TPM4: variants seen among roughly 807,000 people sequenced by gnomAD.
TPM4 encodes the protein tropomyosin 4, also known as tropomyosin alpha-4 chain.
TPM4 carries 17 observed loss-of-function variants against 35.8 expected under a neutral mutation model. The observed-to-expected ratio is 0.47, with a 90% CI of 0.32 to 0.71. TPM4 has a LOEUF of 0.71. Among genes scored for constraint, TPM4 ranks in the 30% least tolerant of loss-of-function variants. The pLI is 0.03. For missense variants in TPM4, 240 were observed against 320.9 expected (o/e 0.75, Z 1.93); for synonymous variants, 120 against 122.9 (o/e 0.98, Z 0.15).
rs555751726 is a variant in TPM4 at position 16,084,933 on chromosome 19, C to CTTTT, written c.267-1488_267-1487insTTTT. 4.6e-5 allele frequency among the ~76,000 whole-genome samples: 7 copies of CTTTT among 152,146 alleles called. 1 individual carries two copies. Among genetic ancestry groups the CTTTT allele is most frequent in the African/African-American group, 1.7e-4 (7 of 41,514 alleles). On this transcript the variant is annotated intron_variant, in intron 2 of 7. Transcript: ENST00000643579. ...ATGACACATTATCCCAGGCTGGCCTCTTCTTTTCTTTTCTTTTCTTGTTTT... is the reference window on the plus strand; with the variant it reads ...ATGACACATTATCCCAGGCTGGCCTCTTTTTTCTTTTCTTTTCTTTTCTTGTTTT...
rs534220183 is a variant in TPM4 at position 16,088,492 on chromosome 19, G to A, written c.455+395G>A. ...CTTTTGCTCCTGTCAGTGTTTGGCC[G>A]TGACACATTCCTGGCGGGAAGGTGA... On this transcript the variant is annotated intron_variant, in intron 4 of 7. Coordinates refer to ENST00000643579, the MANE Select transcript of TPM4 (RefSeq NM_003290.3). The A allele has an allele frequency of 1.1e-5, 12 of 1,062,630 alleles. No individual in the cohort carries two copies. In the Admixed American group the frequency reaches 1.8e-4, roughly 16 times the overall value. The allele number at this position is 1,062,630 out of a possible 1,614,324, so 65.8% of individuals were successfully genotyped here. A position where few individuals can be genotyped will look rare whatever the true frequency, so the allele number is the denominator to read the frequency against.
intron 2 of TPM4, among the ~76,000 whole-genome samples, chr19:16,085,076 C>A (rs918230994): frequency 1.3e-5 from 2 of 151,790 alleles, no homozygotes; most frequent in Admixed American, 6.6e-5. Flanking sequence ...CATAGTGAGA[C>A]CCCATCTCTA....
Position 16,076,564 on chromosome 19 carries a change from C to T in TPM4, c.-2C>T, listed in dbSNP as rs1400164856. ...GCCCGTGCGCCTCTGCGCCTCCGCG[C>T]CATGGCCGGCCTCAACTCCCTGGAG... On this transcript the variant is annotated 5_prime_UTR_variant, in exon 1 of 8. Coordinates refer to ENST00000643579, the MANE Select transcript of TPM4 (RefSeq NM_003290.3). 3 of 1,460,238 alleles carry T rather than the reference C, an allele frequency of 2.1e-6. No homozygotes were observed. The South Asian group carries it at 3.9e-5, about 19-fold the overall frequency. The allele number at this position is 1,460,238 out of a possible 1,614,324, so 90.5% of individuals were successfully genotyped here.
At position 16,067,604 on chromosome 19, in the gene TPM4, C is replaced by A. The variant is rs1223342273; in HGVS notation, c.-21C>A. The A allele has an allele frequency of 6.2e-7, 1 of 1,608,148 alleles. No homozygotes were observed. The highest frequency in any genetic ancestry group is 2.2e-5 in the East Asian group (1 of 44,750). ...ACAGAGCCCGCCGCGCACCCCACGT[C>A]CCCCACGCCAGCGCCCAGCCATGGA... is the stretch of plus-strand genomic sequence containing the variant. On this transcript the variant is annotated 5_prime_UTR_variant, in exon 2 of 3. Transcript: ENST00000589897. The surrounding 1 kb of genome is among the most constrained non-coding windows in gnomAD (Gnocchi z 4.1).
At chr19:16,094,725 C>G (rs1473703606) in intron 7 of TPM4, among the ~76,000 whole-genome samples, 2 of 151,454 alleles carry the variant, frequency 1.3e-5, no homozygotes, top group Admixed American at 1.3e-4. Flanking sequence ...GTCTGCAAGT[C>G]TGGGGCCCAC....
chr19:16,071,279 T>C (rs2090354739), intron 2 of TPM4, among the ~76,000 whole-genome samples: 1 of 152,138 alleles, frequency 6.6e-6, no homozygotes, highest in Non-Finnish European at 1.5e-5. Context: ...TACTGCAGCC[T>C]CAAACTCCTA....
intron 2 of TPM4, among the ~76,000 whole-genome samples, chr19:16,084,294 C>G (rs550105283): frequency 6.6e-6 from 1 of 152,338 alleles, no homozygotes; most frequent in South Asian, 2.1e-4. Flanking sequence ...TTGCATGTCA[C>G]CCAAGCTGGA....
At chr19:16,099,099 T>A (rs933946236) in intron 7 of TPM4, among the ~76,000 whole-genome samples, 1 of 149,150 alleles carries the variant, frequency 6.7e-6, no homozygotes, top group East Asian at 2.0e-4. Flanking sequence ...TGTGTGTGTG[T>A]GATGGAGTCC....
chr19:16,076,205 G>A (rs1212694302), upstream of TPM4: 2 of 1,551,140 alleles, frequency 1.3e-6, no homozygotes, highest in South Asian at 1.2e-5. Flanking sequence ...GCCCGCGGCG[G>A]GGCCAGGCCG....
upstream of TPM4, chr19:16,076,430 G>A: frequency 3.0e-6 from 4 of 1,348,068 alleles, no homozygotes; most frequent in South Asian, 1.9e-5. Context: ...CAGCCGGCCC[G>A]GGGGGCGGGG....
chr19:16,075,290 G>C (rs1029963600), upstream of TPM4: 1 of 152,220 alleles, frequency 6.6e-6, no homozygotes, highest in African/African-American at 2.4e-5. Context: ...AACTAGGAGT[G>C]ATGGGAGGAT....
chr19:16,100,277 G>A (rs897434768), intron 7 of TPM4: 5 of 152,054 alleles, frequency 3.3e-5, no homozygotes, highest in African/African-American at 1.2e-4. Context: ...GAGTTCACAA[G>A]GAAAAATACA....
intron 7 of TPM4, among the ~76,000 whole-genome samples, chr19:16,096,572 C>G (rs1283995024): frequency 6.6e-6 from 1 of 152,130 alleles, no homozygotes. Flanking sequence ...TGTGTCTTTT[C>G]TCTGTGTTAC....
chr19:16,083,894 G>A (rs1332306047), intron 2 of TPM4, among the ~76,000 whole-genome samples: 2 of 151,824 alleles, frequency 1.3e-5, no homozygotes, highest in African/African-American at 4.8e-5. Context: ...GAGTTCCAGA[G>A]TAAAGCTGGG....
At chr19:16,068,167 T>C (rs1213095186) in intron 2 of TPM4, among the ~76,000 whole-genome samples, 1 of 106,498 alleles carries the variant, frequency 9.4e-6, no homozygotes, top group Non-Finnish European at 2.0e-5. Context: ...TGTGCATGTG[T>C]GCGTGTGTGT....
At chr19:16,080,123 C>T (rs1463129700) in intron 1 of TPM4, 2 of 196,220 alleles carry the variant, frequency 1.0e-5, no homozygotes, top group African/African-American at 4.6e-5. Context: ...TCTCAATATT[C>T]CTTCCAAAGA....
intron 7 of TPM4, among the ~76,000 whole-genome samples, chr19:16,099,156 T>C (rs775928047): frequency 1.1e-4 from 17 of 151,958 alleles, no homozygotes; most frequent in Non-Finnish European, 1.8e-4. Flanking sequence ...CTCGGCTCAC[T>C]GCAGTGTCCG....
intron 7 of TPM4, among the ~76,000 whole-genome samples, chr19:16,094,556 A>G (rs901619552): frequency 2.0e-5 from 3 of 150,996 alleles, no homozygotes; most frequent in Non-Finnish European, 4.4e-5. Flanking sequence ...AAACTTCACA[A>G]TTTCCTTCTG....
At chr19:16,068,549 T>C (rs996138117) in intron 2 of TPM4, among the ~76,000 whole-genome samples, 2 of 152,306 alleles carry the variant, frequency 1.3e-5, no homozygotes, top group Admixed American at 6.5e-5. Flanking sequence ...TGTATCTGCA[T>C]GTTTGAGCAT....
Sources: gnomAD v4.1 joint callset for allele counts (sites outside exome capture counted in the v4.1 genomes callset) on GRCh38, gnomAD v4.1.1 for gene constraint, Gnocchi (gnomAD v3.1) non-coding constraint, MANE v1.5 for transcripts, NCBI Gene and HGNC (gene_info 2026-07-23, HGNC 2026-07-21) for gene names.